MAT1A: variants seen among roughly 807,000 people sequenced by gnomAD.
MAT1A encodes S-adenosylmethionine synthase isoform type-1.
Under a neutral mutation model 44.0 loss-of-function variants are expected in MAT1A, and 19 were observed. The ratio of observed to expected loss-of-function variants is 0.43; its 90% CI spans 0.30 to 0.63. MAT1A has a LOEUF of 0.63. MAT1A is among the 30% of genes least tolerant of loss of function. The pLI is 0.12. For synonymous variants in MAT1A, 205 were observed against 205.6 expected, an observed-to-expected ratio of 1.00 and a Z score of 0.03; for missense variants, 397 against 531.0, an observed-to-expected ratio of 0.75 and a Z score of 2.48.
At chr10:80,284,860 T>C (rs1841621658) in intron 2 of MAT1A, among the ~76,000 whole-genome samples, 1 of 152,174 alleles carries the variant, frequency 6.6e-6, no homozygotes, top group South Asian at 2.1e-4. Context: ...AAGGTGAAGA[T>C]CTTCAGCCTA....
intron 3 of MAT1A, among the ~76,000 whole-genome samples, chr10:80,282,542 T>C (rs1247396204): frequency 2.6e-5 from 4 of 152,296 alleles, no homozygotes; most frequent in Middle Eastern, 3.4e-3. Flanking sequence ...CATAAACAAA[T>C]TGGCTTTTTT....
chr10:80,277,252 C>A (rs1326883284), intron 5 of MAT1A, among the ~76,000 whole-genome samples: 1 of 152,150 alleles, frequency 6.6e-6, no homozygotes, highest in Admixed American at 6.5e-5. Flanking sequence ...CTGGGAGGGA[C>A]ACTGGCCAGT....
At chr10:80,280,035 T>C (rs1380587915) in intron 5 of MAT1A, 138 bp downstream of exon 5, 2 of 1,043,784 alleles carry the variant, frequency 1.9e-6, no homozygotes, top group African/African-American at 1.6e-5. Flanking sequence ...ACATAAATAG[T>C]TCTTTTCAAA....
chr10:80,274,942 C>T, intron 7 of MAT1A, 75 bp downstream of exon 7: 1 of 1,504,554 alleles, frequency 6.6e-7, no homozygotes, highest in Non-Finnish European at 9.0e-7. Flanking sequence ...ACCGGGCCAA[C>T]ATCCCCTCAC....
intron 7 of MAT1A, 45 bp downstream of exon 7, chr10:80,274,972 G>A (rs1841463918): frequency 4.5e-6 from 7 of 1,540,794 alleles, no homozygotes; most frequent in South Asian, 3.6e-5. Flanking sequence ...AACTGGGCAG[G>A]GGTCCTCCAC....
chr10:80,279,263 G>A (rs756719200), intron 5 of MAT1A, among the ~76,000 whole-genome samples: 16 of 152,152 alleles, frequency 1.1e-4, no homozygotes, highest in Admixed American at 2.0e-4. Context: ...GAGCTGGAGC[G>A]AGAGGGGTGC....
chr10:80,287,344 G>T (rs988313004), intron 1 of MAT1A, among the ~76,000 whole-genome samples: 1 of 152,200 alleles, frequency 6.6e-6, no homozygotes, highest in Non-Finnish European at 1.5e-5. Flanking sequence ...GTAGGCTTAA[G>T]ATAGCCAATA....
intron 7 of MAT1A, 72 bp downstream of exon 7, chr10:80,274,944 TC>T: frequency 4.0e-6 from 6 of 1,506,236 alleles, no homozygotes; most frequent in Non-Finnish European, 3.6e-6. Flanking sequence ...CGGGCCAACA[TC>T]CCCTCACTCA....
In MAT1A at chr10:80,278,004, G is replaced by A. The variant is rs1003641812; in HGVS notation, c.550-1410C>T. ...GAAGACACTACTTCAAAAACAGGGT[G>A]CGGAGCAGGGGACCTAGACAAGCTG... is the stretch of plus-strand genomic sequence containing the variant. On this transcript the variant is annotated intron_variant, in intron 5 of 8. Coordinates refer to ENST00000372213, the MANE Select transcript of MAT1A (RefSeq NM_000429.3). Among the ~76,000 whole-genome samples the A allele has an allele frequency of 4.6e-5, 7 of 152,350 alleles. No homozygotes were observed. In the South Asian group the frequency reaches 1.0e-3, roughly 23 times the overall value.
rs1564647776 is a variant in MAT1A, at chr10:80,283,909, C to A, written c.292+7G>T. 2 of 1,613,934 alleles carry A rather than the reference C, an allele frequency of 1.2e-6. No homozygotes were observed. The highest frequency in any genetic ancestry group is 8.5e-7 in the Non-Finnish European group (1 of 1,180,052). ...CAGGGATTTCAGACCCGGAGGCCTG[C>A]CCTCACCCTTGGCTGAGTCATCGTA... On this transcript the variant is annotated splice_region_variant and intron_variant, in intron 3 of 8. Coordinates refer to ENST00000372213, the MANE Select transcript of MAT1A (RefSeq NM_000429.3).
intron 6 of MAT1A, chr10:80,275,421 C>T (rs76740137): frequency 0.012 from 7,357 of 599,580 alleles, 431 homozygotes; most frequent in African/African-American, 0.12. Flanking sequence ...GCTTCATTAG[C>T]AAGTGCAGAA....
chr10:80,275,028 C>T lies in MAT1A; in HGVS notation c.940G>A (p.Val314Met). ...TGGAGGGGGCTTACCTGGACAAGCA[C>T]TCTCCGGCAGAGCCCTGCTTTCACC... ...SLVKAGLCRR[V>M]LVQVSYAIGV... Residue 314 changes from valine (V) to methionine (M), a missense_variant, in exon 7 of 9, where the codon GTG (valine) becomes ATG (methionine). Coordinates refer to ENST00000372213, the MANE Select transcript of MAT1A (RefSeq NM_000429.3). 6.4e-7 allele frequency: 1 copy of T among 1,553,584 alleles called. No individual in the cohort carries two copies. Among genetic ancestry groups the T allele is most frequent in the Non-Finnish European group, 8.7e-7 (1 of 1,149,088 alleles).
At chr10:80,281,503 G>A (rs1841566475) in intron 3 of MAT1A, among the ~76,000 whole-genome samples, 1 of 152,146 alleles carries the variant, frequency 6.6e-6, no homozygotes, top group Admixed American at 6.5e-5. Flanking sequence ...TGAGGAAACT[G>A]CTATGCACCG....
At chr10:80,283,671 A>C (rs1841599806) in intron 3 of MAT1A, among the ~76,000 whole-genome samples, 1 of 152,272 alleles carries the variant, frequency 6.6e-6, no homozygotes, top group Admixed American at 6.5e-5. Context: ...CCAAGAAGGC[A>C]AGGCCTAAAA....
intron 5 of MAT1A, among the ~76,000 whole-genome samples, chr10:80,277,938 G>A (rs994140741): frequency 6.6e-6 from 1 of 152,238 alleles, no homozygotes; most frequent in Non-Finnish European, 1.5e-5. Context: ...TTGTTCAGGT[G>A]GAAAGACCCA....
Position 80,273,714 on chromosome 10 carries a change from G to T in MAT1A, c.*67C>A. ...TGGGGAAGGCGATCAGCAGCCAGGC[G>T]TCTGGGGAAGAGGAGCATGGCCACC... On this transcript the variant is annotated 3_prime_UTR_variant, in exon 9 of 9. Transcript: ENST00000372213. The T allele has an allele frequency of 2.6e-6, 3 of 1,142,834 alleles. No individual in the cohort carries two copies. Among genetic ancestry groups the T allele is most frequent in the South Asian group, 2.5e-5 (2 of 81,338 alleles). 70.8% of individuals were successfully genotyped at this position (1,142,834 alleles called of 1,614,324 possible).
At chr10:80,288,773 A>G (rs926021747) in intron 1 of MAT1A, among the ~76,000 whole-genome samples, 3 of 152,032 alleles carry the variant, frequency 2.0e-5, no homozygotes, top group African/African-American at 7.3e-5. Flanking sequence ...TAATAGATTA[A>G]AGCTTTCCTA....
intron 4 of MAT1A, 76 bp from the exon 5 acceptor site, chr10:80,280,392 C>T: frequency 6.3e-7 from 1 of 1,578,420 alleles, no homozygotes; most frequent in Non-Finnish European, 8.7e-7. Context: ...CCTGAAATCT[C>T]CCTGGTGTGT....
At chr10:80,282,045 C>A (rs1174133320) in intron 3 of MAT1A, among the ~76,000 whole-genome samples, 1 of 152,188 alleles carries the variant, frequency 6.6e-6, no homozygotes, top group Non-Finnish European at 1.5e-5. Context: ...GTCACCTTTG[C>A]CCTTTACACC....
Sources: allele counts gnomAD v4.1 joint callset (sites outside exome capture counted in the v4.1 genomes callset), GRCh38; gene constraint gnomAD v4.1.1; transcripts MANE v1.5; gene names NCBI Gene and HGNC (gene_info 2026-07-23, HGNC 2026-07-21).